The following RBFOX1 variants were observed in gnomAD, a reference collection of about 807,000 sequenced individuals.
RBFOX1 encodes RNA binding fox-1 homolog 1.
A neutral mutation model predicts 57.7 loss-of-function variants in RBFOX1; 8 were observed. The observed-to-expected ratio is 0.14, with a 90% CI of 0.08 to 0.25. The LOEUF (loss-of-function observed/expected upper bound fraction) is 0.25. Ranked by LOEUF, RBFOX1 falls within the 10% of genes least tolerant of loss-of-function variation. RBFOX1 has a pLI of 1.00. For synonymous variants in RBFOX1, 326 were observed against 222.4 expected, an observed-to-expected ratio of 1.47 and a Z score of -4.15; for missense variants, 611 against 548.5, an observed-to-expected ratio of 1.11 and a Z score of -1.14.
At chr16:7,441,027 G>A (rs1435154130) in intron 4 of RBFOX1, among the ~76,000 whole-genome samples, 1 of 148,578 alleles carries the variant, frequency 6.7e-6, no homozygotes, top group Non-Finnish European at 1.5e-5. Flanking sequence ...GGGTGACAGA[G>A]GACCCATTTC....
intron 3 of RBFOX1, among the ~76,000 whole-genome samples, chr16:5,757,127 T>C (rs2053425278): frequency 6.6e-6 from 1 of 152,262 alleles, no homozygotes; most frequent in East Asian, 1.9e-4. Flanking sequence ...CTGCCATCAT[T>C]ACTGCATAGC....
intron 2 of RBFOX1, among the ~76,000 whole-genome samples, chr16:5,525,343 C>T (rs1334165717): frequency 3.3e-5 from 5 of 152,052 alleles, no homozygotes; most frequent in Admixed American, 2.0e-4. Flanking sequence ...TTGTTTTATA[C>T]AACAGCTCTG....
intron 4 of RBFOX1, among the ~76,000 whole-genome samples, chr16:7,236,791 A>C (rs1024925757): frequency 6.6e-6 from 1 of 152,156 alleles, no homozygotes; most frequent in Non-Finnish European, 1.5e-5. Flanking sequence ...GATAAGGCAG[A>C]CAGTCCTTGT....
At chr16:7,242,562 A>T (rs1359395410) in intron 4 of RBFOX1, among the ~76,000 whole-genome samples, 1 of 152,214 alleles carries the variant, frequency 6.6e-6, no homozygotes, top group Non-Finnish European at 1.5e-5. Flanking sequence ...GGCAACTTGG[A>T]CATGGGGAGG....
chr16:5,350,832 T>C (rs1005362621), intron 1 of RBFOX1, among the ~76,000 whole-genome samples: 1 of 151,992 alleles, frequency 6.6e-6, no homozygotes, highest in Admixed American at 6.6e-5. Flanking sequence ...ACCACTGCGC[T>C]CCAGCCTGGG....
intron 11 of RBFOX1, among the ~76,000 whole-genome samples, chr16:7,637,914 A>G (rs2062039173): frequency 6.6e-6 from 1 of 152,236 alleles, no homozygotes; most frequent in Non-Finnish European, 1.5e-5. Flanking sequence ...ATCCATGATT[A>G]ACAGAATATC....
chr16:6,615,341 G>A (rs927049198), intron 2 of RBFOX1, among the ~76,000 whole-genome samples: 10 of 152,194 alleles, frequency 6.6e-5, no homozygotes, highest in South Asian at 4.1e-4. Context: ...AGGCCAAGGC[G>A]GGTGGATCAC....
intron 3 of RBFOX1, among the ~76,000 whole-genome samples, chr16:7,044,291 C>G (rs1466612148): frequency 2.0e-5 from 3 of 152,170 alleles, no homozygotes; most frequent in African/African-American, 7.2e-5. Flanking sequence ...CCACCTAAGG[C>G]TCAGTTCTAG....
intron 3 of RBFOX1, among the ~76,000 whole-genome samples, chr16:5,625,570 A>ATTTATTTATTTT (rs34676860): frequency 6.7e-6 from 1 of 150,312 alleles, no homozygotes; most frequent in Non-Finnish European, 1.5e-5. Context: ...TTATTTATTT[A>ATTTATTTATTTT]TTTTCGAGAT....
At chr16:5,623,360 T>C (rs2048254891) in intron 3 of RBFOX1, among the ~76,000 whole-genome samples, 3 of 152,148 alleles carry the variant, frequency 2.0e-5, no homozygotes. Flanking sequence ...CCTGGGCCCT[T>C]CCACAGTCAG....
chr16:6,526,857 A>AAC (rs2096587089), intron 2 of RBFOX1, among the ~76,000 whole-genome samples: 1 of 130,352 alleles, frequency 7.7e-6, no homozygotes, highest in African/African-American at 3.6e-5. Context: ...AAAAAAAAAA[A>AAC]AACAACCAGA....
chr16:7,171,255 A>T (rs1246791233), intron 4 of RBFOX1, among the ~76,000 whole-genome samples: 3 of 152,198 alleles, frequency 2.0e-5, no homozygotes, highest in Non-Finnish European at 4.4e-5. Context: ...AAAGCAGCTT[A>T]AAGTCCTTGA....
At chr16:7,347,666 A>C (rs1448686752) in intron 4 of RBFOX1, among the ~76,000 whole-genome samples, 1 of 152,166 alleles carries the variant, frequency 6.6e-6, no homozygotes, top group Non-Finnish European at 1.5e-5. Context: ...AGCTACAGAG[A>C]CTATCAGTCT....
intron 4 of RBFOX1, among the ~76,000 whole-genome samples, chr16:7,055,602 G>A (rs746227327): frequency 6.6e-6 from 1 of 152,094 alleles, no homozygotes; most frequent in Admixed American, 6.6e-5. Flanking sequence ...CCCAGAATTC[G>A]TCACTGCAGT....
intron 1 of RBFOX1, among the ~76,000 whole-genome samples, chr16:5,443,357 A>C (rs1475555396): frequency 2.0e-5 from 3 of 152,160 alleles, no homozygotes; most frequent in African/African-American, 7.2e-5. Flanking sequence ...TGTTTGTTTT[A>C]GATGGAGTGT....
At position 6,505,165 on chromosome 16, in the gene RBFOX1, A is replaced by G. The variant is rs539349699; in HGVS notation, c.-63-149438A>G. ...TTGGGGGTTTCTGCCCTAGTTATGC[A>G]GTTTCTTGCTCAGTGGTTGGATTTG... On this transcript the variant is annotated intron_variant, in intron 2 of 15. Transcript: ENST00000550418. Among the ~76,000 whole-genome samples, 3 of 152,240 alleles carry G rather than the reference A, an allele frequency of 2.0e-5. No homozygotes were observed. In the East Asian group the frequency reaches 5.8e-4, roughly 29 times the overall value.
intron 10 of RBFOX1, among the ~76,000 whole-genome samples, chr16:7,625,875 C>T (rs1484080999): frequency 1.3e-5 from 2 of 152,140 alleles, no homozygotes; most frequent in Non-Finnish European, 1.5e-5. Context: ...TCATTTGCTC[C>T]CTGCCTCTTA....
intron 4 of RBFOX1, among the ~76,000 whole-genome samples, chr16:7,205,118 A>G (rs188327431): frequency 1.9e-3 from 293 of 152,154 alleles, no homozygotes; most frequent in African/African-American, 6.6e-3. Flanking sequence ...TTCTCCTCCC[A>G]CCTCCCTTCA....
intron 4 of RBFOX1, among the ~76,000 whole-genome samples, chr16:7,298,274 GGTTTTTTTTT>G (rs1226152839): frequency 2.8e-5 from 4 of 143,420 alleles, no homozygotes; most frequent in East Asian, 2.0e-4. Context: ...TTTGTGTATA[GGTTTTTTTTT>G]GTTTTTTTTT....
Sources: allele counts gnomAD v4.1 joint callset (sites outside exome capture counted in the v4.1 genomes callset), GRCh38; gene constraint gnomAD v4.1.1; transcripts MANE v1.5; gene names NCBI Gene and HGNC (gene_info 2026-07-23, HGNC 2026-07-21).